The following TMEM38B variants were observed in gnomAD, a reference collection of about 807,000 sequenced individuals.
The protein encoded by TMEM38B is trimeric intracellular cation channel type B.
A neutral mutation model predicts 28.7 loss-of-function variants in TMEM38B; 24 were observed. The observed-to-expected ratio is 0.84, with a 90% CI of 0.61 to 1.18. The LOEUF is 1.18. Among genes scored for constraint, TMEM38B ranks in the 50% most tolerant of loss-of-function variants. TMEM38B has a pLI of 0.00. For synonymous variants in TMEM38B, 131 were observed against 127.7 expected, an observed-to-expected ratio of 1.03 and a Z score of -0.17; for missense variants, 380 against 350.9, an observed-to-expected ratio of 1.08 and a Z score of -0.66.
intron 1 of TMEM38B, among the ~76,000 whole-genome samples, chr9:105,698,557 A>G (rs1197319508): frequency 6.6e-6 from 1 of 152,112 alleles, no homozygotes; most frequent in Non-Finnish European, 1.5e-5. Context: ...TTAAAAAATG[A>G]TGAATCATCC....
At chr9:105,731,435 C>G (rs1001416666) in intron 4 of TMEM38B, among the ~76,000 whole-genome samples, 1 of 152,026 alleles carries the variant, frequency 6.6e-6, no homozygotes, top group Non-Finnish European at 1.5e-5. Flanking sequence ...AGGTATTTCT[C>G]TTAATGCTAT....
At position 105,744,411 on chromosome 9, in the gene TMEM38B, A is replaced by T. The variant is rs187165076; in HGVS notation, c.543-3662A>T. Among the ~76,000 whole-genome samples, 182 of 152,098 alleles carry T rather than the reference A, an allele frequency of 1.2e-3. 1 individual carries two copies. The highest frequency in any genetic ancestry group is 4.1e-3 in the African/African-American group (172 of 41,534). On this transcript the variant is annotated intron_variant, in intron 4 of 5. Transcript: ENST00000374692. ...TAGAACGTGTTATTTTGCATCAATA[A>T]TCTGAATATTTTTGCAAAGAATAGG...
intron 4 of TMEM38B, among the ~76,000 whole-genome samples, chr9:105,746,306 G>T (rs1230385653): frequency 2.0e-5 from 3 of 151,986 alleles, no homozygotes; most frequent in African/African-American, 7.3e-5. Context: ...CCTTATAAGT[G>T]GGATTCCTAG....
At chr9:105,770,566 ACCCT>A (rs1826512324) in intron 5 of TMEM38B, among the ~76,000 whole-genome samples, 1 of 151,972 alleles carries the variant, frequency 6.6e-6, no homozygotes, top group Non-Finnish European at 1.5e-5. Context: ...AAAAATGTAA[ACCCT>A]ATGATTTTAA....
At chr9:105,703,359 T>C (rs9696296) in intron 1 of TMEM38B, among the ~76,000 whole-genome samples, 35,455 of 152,066 alleles carry the variant, frequency 0.23, 6,790 homozygotes, top group African/African-American at 0.51. Context: ...CATCCATGTC[T>C]CTACAAAGGA....
At chr9:105,719,087 C>G (rs1238254128) in intron 2 of TMEM38B, among the ~76,000 whole-genome samples, 1 of 152,138 alleles carries the variant, frequency 6.6e-6, no homozygotes, top group Non-Finnish European at 1.5e-5. Context: ...AAACAGAGTT[C>G]TCAATGACTA....
chr9:105,769,591 C>G lies in TMEM38B; in HGVS notation c.661-4274C>G, dbSNP rs548150200. ...CGAAAAATTTACAAGTCTGGCTACA[C>G]ATTCTGTTGATGAGGCTGTGGAGAA... On this transcript the variant is annotated intron_variant, in intron 5 of 5. Transcript: ENST00000374692. Among the ~76,000 whole-genome samples the G allele has an allele frequency of 2.6e-5, 4 of 152,292 alleles. No homozygotes were observed. In the East Asian group the frequency reaches 7.7e-4, roughly 29 times the overall value.
intron 5 of TMEM38B, among the ~76,000 whole-genome samples, chr9:105,771,626 G>A (rs1430678844): frequency 6.6e-6 from 1 of 152,126 alleles, no homozygotes; most frequent in Non-Finnish European, 1.5e-5. Context: ...AGGTAATTAT[G>A]CTAGTGTATC....
At chr9:105,715,900 C>T (rs117092768) in intron 2 of TMEM38B, among the ~76,000 whole-genome samples, 2,496 of 152,030 alleles carry the variant, frequency 0.016, 32 homozygotes, top group Non-Finnish European at 0.027. Context: ...GGGATTTATT[C>T]TGCTTATTTT....
intron 5 of TMEM38B, among the ~76,000 whole-genome samples, chr9:105,767,247 C>A (rs1588478032): frequency 6.6e-6 from 1 of 151,818 alleles, no homozygotes; most frequent in Non-Finnish European, 1.5e-5. Flanking sequence ...TGTTGAAAAT[C>A]AGTTGGCTTG....
At chr9:105,718,923 C>T (rs1836214881) in intron 2 of TMEM38B, among the ~76,000 whole-genome samples, 1 of 151,990 alleles carries the variant, frequency 6.6e-6, no homozygotes, top group Non-Finnish European at 1.5e-5. Context: ...TTTTTCAAAG[C>T]ATGTACAAAA....
rs573506001 is a variant in TMEM38B, at chr9:105,710,466, A to G, written c.269+4713A>G. On this transcript the variant is annotated intron_variant, in intron 2 of 5. Coordinates refer to ENST00000374692, the MANE Select transcript of TMEM38B (RefSeq NM_018112.3). ...TAATCATCATAGCGTGAAGAACTGTACATATTCCTCCCTTCCTTGGCTTTC... is the reference window on the plus strand; with the variant it reads ...TAATCATCATAGCGTGAAGAACTGTGCATATTCCTCCCTTCCTTGGCTTTC... 3.2e-5 allele frequency: 46 copies of G among 1,426,318 alleles called. No individual in the cohort carries two copies. The South Asian group carries it at 4.9e-4, about 15-fold the overall frequency. The allele number at this position is 1,426,318 out of a possible 1,614,324, so 88.4% of individuals were successfully genotyped here. A position where few individuals can be genotyped will look rare whatever the true frequency, so the allele number is the denominator to read the frequency against.
At position 105,717,110 on chromosome 9, in the gene TMEM38B, A is replaced by G. The variant is rs559144626; in HGVS notation, c.270-4427A>G. On this transcript the variant is annotated intron_variant, in intron 2 of 5. Transcript: ENST00000374692. ...TCTGTATGTTTTTATGGGAATTTGA[A>G]GAGTATCAGAATGTATGCAGCCACT... Among the ~76,000 whole-genome samples the G allele has an allele frequency of 3.3e-5, 5 of 152,262 alleles. No homozygotes were observed. In the South Asian group the frequency reaches 8.3e-4, roughly 25 times the overall value.
At chr9:105,703,968 A>G (rs1394259723) in intron 1 of TMEM38B, among the ~76,000 whole-genome samples, 1 of 152,060 alleles carries the variant, frequency 6.6e-6, no homozygotes, top group Non-Finnish European at 1.5e-5. Flanking sequence ...CATTCTCAGT[A>G]AACTATCGCA....
intron 5 of TMEM38B, among the ~76,000 whole-genome samples, chr9:105,767,991 T>G (rs1826429575): frequency 6.6e-6 from 1 of 152,150 alleles, no homozygotes; most frequent in Admixed American, 6.6e-5. Context: ...AGAGTAGACA[T>G]CTTTGTTTTG....
intron 3 of TMEM38B, 146 bp from the exon 4 acceptor site, chr9:105,722,388 C>T: frequency 5.8e-6 from 4 of 684,662 alleles, no homozygotes; most frequent in Non-Finnish European, 7.4e-6. Context: ...CCTAAATGTA[C>T]AAGGCAACTT....
At chr9:105,748,517 A>ATAG (rs1446819435) in intron 5 of TMEM38B, among the ~76,000 whole-genome samples, 2 of 152,188 alleles carry the variant, frequency 1.3e-5, no homozygotes, top group Non-Finnish European at 2.9e-5. Flanking sequence ...GGCACTTGAG[A>ATAG]TAGATATTCT....
intron 1 of TMEM38B, chr9:105,701,221 C>T (rs529292377): frequency 6.6e-6 from 1 of 152,198 alleles, no homozygotes; most frequent in Admixed American, 6.5e-5. Flanking sequence ...GACAGATACC[C>T]AGGAGTAGGG....
In TMEM38B at chr9:105,776,081, A is replaced by G. The variant is rs1564424472; in HGVS notation, c.*2001A>G. ...GTAGAGTCTTGACTTGGATTTGCAA[A>G]GCAGATTGTTAGACTCCTTACCCAA... is the stretch of plus-strand genomic sequence containing the variant. On this transcript the variant is annotated 3_prime_UTR_variant, in exon 6 of 6. Coordinates refer to ENST00000374692, the MANE Select transcript of TMEM38B (RefSeq NM_018112.3). 6.6e-6 allele frequency: 1 copy of G among 152,184 alleles called. No individual in the cohort carries two copies. The highest frequency in any genetic ancestry group is 1.5e-5 in the Non-Finnish European group (1 of 68,030). 9.4% of individuals were successfully genotyped at this position (152,184 alleles called of 1,614,324 possible). A position where few individuals can be genotyped will look rare whatever the true frequency, so the allele number is the denominator to read the frequency against.
Sources: gnomAD v4.1 joint callset for allele counts (sites outside exome capture counted in the v4.1 genomes callset) on GRCh38, gnomAD v4.1.1 for gene constraint, MANE v1.5 for transcripts, NCBI Gene and HGNC (gene_info 2026-07-23, HGNC 2026-07-21) for gene names.